Variants in TTC23 observed in about 807,000 individuals in gnomAD.
TTC23 encodes the protein tetratricopeptide repeat domain 23, also known as tetratricopeptide repeat protein 23.
A neutral mutation model predicts 55.1 loss-of-function variants in TTC23; 58 were observed. The observed-to-expected ratio is 1.05, with a 90% CI of 0.85 to 1.31. TTC23 has a LOEUF of 1.31. TTC23 is among the 50% of genes most tolerant of loss of function. The pLI is 0.00. For missense variants in TTC23, 516 were observed against 534.4 expected (o/e 0.97, Z 0.34); for synonymous variants, 203 against 199.9 (o/e 1.02, Z -0.13).
intron 8 of TTC23, among the ~76,000 whole-genome samples, chr15:99,214,372 G>A (rs2077279729): frequency 6.6e-6 from 1 of 151,994 alleles, no homozygotes; most frequent in African/African-American, 2.4e-5. Flanking sequence ...GCCAGGCGTG[G>A]TGGTGGGTGC....
At chr15:99,154,279 C>T (rs1336680372) in intron 12 of TTC23, among the ~76,000 whole-genome samples, 1 of 152,114 alleles carries the variant, frequency 6.6e-6, no homozygotes, top group African/African-American at 2.4e-5. Context: ...AATATTGGCA[C>T]AAAAATCCTA....
At chr15:99,164,586 C>T (rs778954378) in intron 10 of TTC23, among the ~76,000 whole-genome samples, 2 of 152,156 alleles carry the variant, frequency 1.3e-5, no homozygotes, top group Non-Finnish European at 2.9e-5. Context: ...ACTGTACAAA[C>T]CATTATCTTT....
At chr15:99,165,536 T>C (rs753380217) in intron 10 of TTC23, among the ~76,000 whole-genome samples, 2 of 152,230 alleles carry the variant, frequency 1.3e-5, no homozygotes, top group Non-Finnish European at 2.9e-5. Flanking sequence ...GGAGCAGGAA[T>C]TGCACTCAGT....
At chr15:99,226,226 A>C (rs2152063374) in intron 5 of TTC23, among the ~76,000 whole-genome samples, 1 of 152,364 alleles carries the variant, frequency 6.6e-6, no homozygotes, top group Non-Finnish European at 1.5e-5. Context: ...AATATAAACA[A>C]GGTTTACAGA....
intron 9 of TTC23, among the ~76,000 whole-genome samples, chr15:99,188,040 A>G (rs1430486730): frequency 1.3e-5 from 2 of 152,078 alleles, no homozygotes; most frequent in African/African-American, 4.8e-5. Context: ...AAAATTGTAC[A>G]TGAATGTTCA....
In TTC23 at chr15:99,218,768, C is replaced by G. The variant is rs1216510682; in HGVS notation, c.456-55G>C. On this transcript the variant is annotated intron_variant, in intron 7 of 13. Coordinates refer to ENST00000394132, the MANE Select transcript of TTC23 (RefSeq NM_001288615.3). ...GGTTCTAGATTCTACACCCCATGTC[C>G]TGAACTTCCTTGGCTCCCATACTTC... The G allele has an allele frequency of 1.9e-6, 3 of 1,608,848 alleles. No individual in the cohort carries two copies. In the African/African-American group the frequency reaches 4.0e-5, roughly 22 times the overall value.
chr15:99,153,856 A>C (rs1323246082), intron 12 of TTC23, among the ~76,000 whole-genome samples: 1 of 152,182 alleles, frequency 6.6e-6, no homozygotes, highest in Non-Finnish European at 1.5e-5. Context: ...AAGTCAAGGA[A>C]AAAGAGAGAA....
chr15:99,193,034 T>C (rs924901101), intron 9 of TTC23, among the ~76,000 whole-genome samples: 9 of 152,212 alleles, frequency 5.9e-5, no homozygotes, highest in Admixed American at 5.2e-4. Flanking sequence ...CCCTTTGTTT[T>C]GGCCAATTTC....
At chr15:99,212,260 ATGTGTG>A (rs35709919) in intron 8 of TTC23, among the ~76,000 whole-genome samples, 21,549 of 146,552 alleles carry the variant, frequency 0.15, 1,981 homozygotes, top group East Asian at 0.34. Flanking sequence ...TTAAAGAGGG[ATGTGTG>A]TGTGTGTGTG....
intron 12 of TTC23, among the ~76,000 whole-genome samples, chr15:99,152,405 C>A: frequency 6.6e-6 from 1 of 152,152 alleles, no homozygotes; most frequent in South Asian, 2.1e-4. Flanking sequence ...TGGAGTCTTT[C>A]TTGCTCTGTG....
At chr15:99,247,366 T>C (rs2080340187) in intron 1 of TTC23, among the ~76,000 whole-genome samples, 1 of 152,184 alleles carries the variant, frequency 6.6e-6, no homozygotes, top group South Asian at 2.1e-4. Context: ...CTTGTACCCA[T>C]CTTCATAGCA....
chr15:99,208,162 T>C (rs2076770243), intron 8 of TTC23, among the ~76,000 whole-genome samples: 1 of 152,126 alleles, frequency 6.6e-6, no homozygotes, highest in Non-Finnish European at 1.5e-5. Flanking sequence ...TTATATCAAT[T>C]GGTAGAGATA....
At chr15:99,243,649 C>T (rs150068029) in intron 2 of TTC23, among the ~76,000 whole-genome samples, 18 of 152,202 alleles carry the variant, frequency 1.2e-4, no homozygotes, top group Admixed American at 9.8e-4. Context: ...CAAAACAGAA[C>T]GAAATCCTGT....
chr15:99,204,708 T>A lies in TTC23; in HGVS notation c.582-4612A>T, dbSNP rs2076481347. ...TGGAGTGCAGTGGTGTGATCATAGC[T>A]CACTGCAGCCTCAACCTCCTGGGCT... On this transcript the variant is annotated intron_variant, in intron 8 of 13. Transcript: ENST00000394132. 4.2e-5 allele frequency among the ~76,000 whole-genome samples: 6 copies of A among 141,526 alleles called. No homozygotes were observed. In the South Asian group the frequency reaches 1.4e-3, roughly 33 times the overall value. 92.8% of individuals were successfully genotyped at this position (141,526 alleles called of 152,430 possible). A position where few individuals can be genotyped will look rare whatever the true frequency, so the allele number is the denominator to read the frequency against.
chr15:99,186,149 A>G (rs1374401773), intron 9 of TTC23, among the ~76,000 whole-genome samples: 2 of 152,254 alleles, frequency 1.3e-5, no homozygotes, highest in Non-Finnish European at 2.9e-5. Context: ...CTGTTAAGAA[A>G]TAAAAGTAGC....
intron 8 of TTC23, 125 bp from the exon 9 acceptor site, chr15:99,200,221 T>A: frequency 1.2e-6 from 1 of 856,810 alleles, no homozygotes. Flanking sequence ...CCTTGCTAAC[T>A]AAGCATTTCC....
chr15:99,238,116 C>T (rs764350099), intron 3 of TTC23, among the ~76,000 whole-genome samples: 47 of 152,228 alleles, frequency 3.1e-4, no homozygotes, highest in Non-Finnish European at 5.3e-4. Context: ...CAGGCATGCA[C>T]CACCATGCCT....
intron 8 of TTC23, among the ~76,000 whole-genome samples, chr15:99,201,168 C>A (rs769691390): frequency 3.5e-4 from 53 of 152,168 alleles, no homozygotes; most frequent in Admixed American, 3.9e-4. Context: ...ACTTTTATAT[C>A]ATAAAAATGC....
chr15:99,139,092 T>C (rs1231224172), intron 13 of TTC23: 1 of 635,648 alleles, frequency 1.6e-6, no homozygotes, highest in Non-Finnish European at 2.8e-6. Context: ...GAAGACAACA[T>C]CCAGCATATA....
Sources: allele counts gnomAD v4.1 joint callset (sites outside exome capture counted in the v4.1 genomes callset), GRCh38; gene constraint gnomAD v4.1.1; transcripts MANE v1.5; gene names NCBI Gene and HGNC (gene_info 2026-07-23, HGNC 2026-07-21).